Variants in RBFOX1 observed in about 807,000 individuals in gnomAD.
The protein encoded by RBFOX1 is RNA binding fox-1 homolog 1.
In RBFOX1, 8 loss-of-function variants were observed where a neutral mutation model predicts 57.7. The observed-to-expected ratio is 0.14, with a 90% CI of 0.08 to 0.25. The LOEUF is 0.25. RBFOX1 is among the 10% of genes least tolerant of loss of function. The pLI, the probability that RBFOX1 is intolerant of heterozygous loss-of-function variation, is 1.00. For missense variants in RBFOX1, 611 were observed against 548.5 expected (o/e 1.11, Z -1.14); for synonymous variants, 326 against 222.4 (o/e 1.47, Z -4.15).
chr16:5,948,590 G>A (rs1371372965), intron 4 of RBFOX1, among the ~76,000 whole-genome samples: 2 of 152,196 alleles, frequency 1.3e-5, no homozygotes, highest in Non-Finnish European at 2.9e-5. Flanking sequence ...GAGACCTACA[G>A]GGAAGGCCGT....
chr16:6,707,912 G>C (rs1455759171), intron 3 of RBFOX1, among the ~76,000 whole-genome samples: 3 of 152,182 alleles, frequency 2.0e-5, no homozygotes, highest in Non-Finnish European at 4.4e-5. Context: ...GGACTTAGGG[G>C]AAGATTCAGG....
At chr16:6,368,060 C>T (rs1445363248) in intron 2 of RBFOX1, among the ~76,000 whole-genome samples, 1 of 152,202 alleles carries the variant, frequency 6.6e-6, no homozygotes, top group Admixed American at 6.5e-5. Context: ...CACCCCCTCA[C>T]ACAGGCTCTC....
intron 3 of RBFOX1, among the ~76,000 whole-genome samples, chr16:5,679,281 C>G (rs2050257885): frequency 6.6e-6 from 1 of 152,030 alleles, no homozygotes; most frequent in Non-Finnish European, 1.5e-5. Flanking sequence ...AAATAATATG[C>G]TAAAGTCATG....
At chr16:6,800,402 C>T (rs1390231850) in intron 3 of RBFOX1, among the ~76,000 whole-genome samples, 1 of 152,098 alleles carries the variant, frequency 6.6e-6, no homozygotes, top group Non-Finnish European at 1.5e-5. Flanking sequence ...GATAGTGCTT[C>T]TCACTCTTTA....
In RBFOX1 at chr16:7,639,753, C is replaced by T. The variant is rs141805694; in HGVS notation, c.757+9070C>T. The stretch of plus-strand genomic sequence containing the variant: ...AAGTGTCCCTATTTTCACCATTCTT[C>T]AACACTGTAGACAGGTGCCCTTTGC... On this transcript the variant is annotated intron_variant, in intron 11 of 15. Transcript: ENST00000550418. Among the ~76,000 whole-genome samples the T allele has an allele frequency of 2.8e-3, 419 of 152,266 alleles. 1 individual carries two copies. Among genetic ancestry groups the T allele is most frequent in the African/African-American group, 9.7e-3 (402 of 41,546 alleles).
At chr16:5,540,669 T>C (rs868616592) in intron 2 of RBFOX1, among the ~76,000 whole-genome samples, 1 of 152,142 alleles carries the variant, frequency 6.6e-6, no homozygotes, top group South Asian at 2.1e-4. Context: ...CTCAGATTTA[T>C]TGAATACGAA....
At chr16:7,674,430 T>C (rs560816502) in intron 13 of RBFOX1, among the ~76,000 whole-genome samples, 14 of 152,276 alleles carry the variant, frequency 9.2e-5, no homozygotes, top group African/African-American at 1.2e-4. Context: ...AGCACAGATA[T>C]AGAACATTCA....
At chr16:5,786,465 A>T (rs889210590) in intron 3 of RBFOX1, among the ~76,000 whole-genome samples, 6 of 152,134 alleles carry the variant, frequency 3.9e-5, no homozygotes, top group African/African-American at 9.7e-5. Flanking sequence ...TAGTGACAAG[A>T]GAGTGTAACG....
chr16:6,309,275 C>T (rs1419947619), intron 1 of RBFOX1, among the ~76,000 whole-genome samples: 3 of 152,086 alleles, frequency 2.0e-5, no homozygotes, highest in South Asian at 2.1e-4. Context: ...TTATCTCTGG[C>T]GGGTTCAAAT....
At chr16:7,288,253 C>T (rs1048426102) in intron 4 of RBFOX1, among the ~76,000 whole-genome samples, 3 of 152,192 alleles carry the variant, frequency 2.0e-5, no homozygotes, top group Non-Finnish European at 2.9e-5. Context: ...TCAGAGAACT[C>T]TCACATCAAT....
chr16:5,949,450 C>G (rs149193135), intron 4 of RBFOX1, among the ~76,000 whole-genome samples: 7 of 140,532 alleles, frequency 5.0e-5, no homozygotes, highest in Non-Finnish European at 9.0e-5. Flanking sequence ...GACGTGAACC[C>G]GGGAGGCAGA....
chr16:7,099,573 G>T (rs2062304933), intron 4 of RBFOX1, among the ~76,000 whole-genome samples: 1 of 152,128 alleles, frequency 6.6e-6, no homozygotes, highest in Non-Finnish European at 1.5e-5. Flanking sequence ...TGAGGTTAAG[G>T]TTGCACCCTT....
chr16:7,220,358 C>T (rs187568457), intron 4 of RBFOX1, among the ~76,000 whole-genome samples: 18 of 152,234 alleles, frequency 1.2e-4, no homozygotes, highest in Non-Finnish European at 1.6e-4. Context: ...CAACATGGCC[C>T]CAAGTATAGG....
intron 3 of RBFOX1, among the ~76,000 whole-genome samples, chr16:5,650,360 G>C (rs1029019910): frequency 6.6e-6 from 1 of 152,090 alleles, no homozygotes; most frequent in Non-Finnish European, 1.5e-5. Context: ...TGTGGAGGGA[G>C]GGAGGGAGCC....
At chr16:5,981,767 C>T (rs536837772) in intron 4 of RBFOX1, among the ~76,000 whole-genome samples, 1 of 152,282 alleles carries the variant, frequency 6.6e-6, no homozygotes, top group Admixed American at 6.5e-5. Flanking sequence ...CTGTGCCCGG[C>T]CGTGTGATGT....
intron 1 of RBFOX1, among the ~76,000 whole-genome samples, chr16:6,070,113 C>T (rs573188103): frequency 1.3e-5 from 2 of 152,212 alleles, no homozygotes; most frequent in African/African-American, 4.8e-5. Flanking sequence ...GAAAACTATA[C>T]ATTTTTTAAA....
chr16:7,069,520 C>T (rs2056877682), intron 4 of RBFOX1, among the ~76,000 whole-genome samples: 1 of 152,178 alleles, frequency 6.6e-6, no homozygotes, highest in South Asian at 2.1e-4. Context: ...TTGCAAAAGA[C>T]ATGATAGTGT....
chr16:7,160,028 C>G (rs191980328), intron 4 of RBFOX1, among the ~76,000 whole-genome samples: 11 of 152,226 alleles, frequency 7.2e-5, no homozygotes, highest in East Asian at 3.9e-4. Context: ...TAAGCATTAT[C>G]TGTGCAACTG....
chr16:6,926,547 T>G (rs1218715736), intron 3 of RBFOX1, among the ~76,000 whole-genome samples: 5 of 152,172 alleles, frequency 3.3e-5, no homozygotes, highest in Non-Finnish European at 7.4e-5. Flanking sequence ...TCTGGAAAAT[T>G]GCAGGGAGAA....
Sources: gnomAD v4.1 joint callset for allele counts (sites outside exome capture counted in the v4.1 genomes callset) on GRCh38, gnomAD v4.1.1 for gene constraint, MANE v1.5 for transcripts, NCBI Gene and HGNC (gene_info 2026-07-23, HGNC 2026-07-21) for gene names.